Variants in CALN1 observed in about 807,000 individuals in gnomAD.
CALN1 encodes the protein calneuron 1.
A neutral mutation model predicts 30.6 loss-of-function variants in CALN1; 17 were observed. That is an observed-to-expected ratio of 0.56 (90% CI 0.38 to 0.83). The LOEUF (loss-of-function observed/expected upper bound fraction) is 0.83, where lower values mean the gene tolerates loss of function less well. CALN1 is among the 40% of genes least tolerant of loss of function. The probability of loss-of-function intolerance (pLI) is 0.00; values close to 1 mark genes in which losing one functional copy is unlikely to be tolerated. For missense variants in CALN1, 291 were observed against 354.9 expected (o/e 0.82, Z 1.45); for synonymous variants, 156 against 131.4 (o/e 1.19, Z -1.28).
intron 3 of CALN1, among the ~76,000 whole-genome samples, chr7:72,224,790 A>G (rs891163621): frequency 8.7e-5 from 13 of 149,056 alleles, no homozygotes; most frequent in African/African-American, 3.0e-4. Flanking sequence ...AAAAATTAAA[A>G]AAAAAGAGCA....
intron 4 of CALN1, among the ~76,000 whole-genome samples, chr7:72,083,137 G>C (rs1805260089): frequency 6.6e-6 from 1 of 151,934 alleles, no homozygotes; most frequent in South Asian, 2.1e-4. Flanking sequence ...GGAGGCGGAG[G>C]ATGCAGTGAG....
At chr7:72,451,158 G>A (rs10254326), upstream of CALN1, among the ~76,000 whole-genome samples, 2 of 145,566 alleles carry the variant, frequency 1.4e-5, no homozygotes, top group African/African-American at 5.3e-5. Flanking sequence ...GGAGAAGAAG[G>A]AGAAGGAGGA....
chr7:72,071,580 T>C (rs531532400), intron 4 of CALN1, among the ~76,000 whole-genome samples: 1 of 152,258 alleles, frequency 6.6e-6, no homozygotes, highest in East Asian at 1.9e-4. Context: ...CACCTCAAAC[T>C]GATCGTTGGC....
intron 6 of CALN1, among the ~76,000 whole-genome samples, chr7:71,803,971 T>C (rs1029560256): frequency 7.7e-5 from 11 of 143,422 alleles, no homozygotes; most frequent in Admixed American, 1.4e-4. Context: ...TGTGTGTGTG[T>C]GCGTGCATGT....
intron 5 of CALN1, among the ~76,000 whole-genome samples, chr7:71,900,147 T>G (rs1793769878): frequency 1.3e-5 from 2 of 152,190 alleles, no homozygotes. Flanking sequence ...AGACAAATTT[T>G]TAACATCCTG....
At chr7:72,439,863 C>T (rs1163628242) in intron 1 of CALN1, among the ~76,000 whole-genome samples, 1 of 152,154 alleles carries the variant, frequency 6.6e-6, no homozygotes, top group African/African-American at 2.4e-5. Context: ...AGGCGTGAGC[C>T]ACTGTGCCGG....
intron 5 of CALN1, among the ~76,000 whole-genome samples, chr7:71,856,014 CTATG>C (rs750718838): frequency 2.4e-4 from 36 of 151,332 alleles, no homozygotes; most frequent in African/African-American, 7.1e-4. Context: ...GACAGGGTCT[CTATG>C]TATGTATGTA....
chr7:72,144,372 AAAG>A (rs1241465124), intron 3 of CALN1, among the ~76,000 whole-genome samples: 1 of 152,234 alleles, frequency 6.6e-6, no homozygotes, highest in African/African-American at 2.4e-5. Context: ...TAAAAGAGAC[AAAG>A]AAGGCCATTA....
chr7:72,467,248 G>A, the CALN1 span, among the ~76,000 whole-genome samples: 2 of 152,302 alleles, frequency 1.3e-5, no homozygotes, highest in Admixed American at 1.3e-4. Context: ...CCCTGGAGCT[G>A]CCAAAGAGGT....
At chr7:72,358,383 T>G (rs942163234) in intron 2 of CALN1, among the ~76,000 whole-genome samples, 2 of 151,956 alleles carry the variant, frequency 1.3e-5, no homozygotes, top group African/African-American at 2.4e-5. Flanking sequence ...CTCTGATTAG[T>G]AAATGGAGAA....
chr7:72,329,624 G>A (rs796395258), intron 2 of CALN1, among the ~76,000 whole-genome samples: 4 of 152,274 alleles, frequency 2.6e-5, no homozygotes, highest in African/African-American at 9.6e-5. Context: ...ATCCCTTCAT[G>A]TCATTCTGGT....
chr7:71,786,557 C>A lies in CALN1; in HGVS notation c.*1218G>T. On this transcript the variant is annotated 3_prime_UTR_variant, in exon 7 of 7. Transcript: ENST00000395275. ...TTCTGTTGGCTAAACTCATAAACAT[C>A]TTTTCCCCCAACCTCCTGAAAATGA... 6.6e-6 allele frequency: 1 copy of A among 152,216 alleles called. No homozygotes were observed. Among genetic ancestry groups the A allele is most frequent in the Non-Finnish European group, 1.5e-5 (1 of 68,042 alleles). The allele number at this position is 152,216 out of a possible 1,614,324, so 9.4% of individuals were successfully genotyped here. A position where few individuals can be genotyped will look rare whatever the true frequency, so the allele number is the denominator to read the frequency against.
chr7:72,236,092 A>G (rs1318523672), intron 3 of CALN1, among the ~76,000 whole-genome samples: 32 of 151,696 alleles, frequency 2.1e-4, no homozygotes, highest in African/African-American at 4.1e-4. Flanking sequence ...AAAAAAAAAA[A>G]AAAGAAAGAA....
At chr7:72,173,533 C>A (rs1242853344) in intron 3 of CALN1, among the ~76,000 whole-genome samples, 3 of 152,070 alleles carry the variant, frequency 2.0e-5, no homozygotes, top group Non-Finnish European at 2.9e-5. Flanking sequence ...GTGAAAAGGA[C>A]TTAACTGCAG....
chr7:72,423,707 CTTGGGAGGCTAAGGAGGAAG>C, intron 1 of CALN1, among the ~76,000 whole-genome samples: 1 of 151,856 alleles, frequency 6.6e-6, no homozygotes, highest in Non-Finnish European at 1.5e-5. Context: ...ATCCCAGCCA[CTTGGGAGGCTAAGGAGGAAG>C]GATGGCTTGA....
chr7:72,396,315 C>T (rs1306800305), intron 2 of CALN1, among the ~76,000 whole-genome samples: 2 of 147,702 alleles, frequency 1.4e-5, no homozygotes, highest in East Asian at 2.0e-4. Flanking sequence ...CCCAGCTACT[C>T]GGAATGCTAA....
chr7:72,264,888 C>A (rs924800509), intron 3 of CALN1, among the ~76,000 whole-genome samples: 1 of 152,128 alleles, frequency 6.6e-6, no homozygotes, highest in Admixed American at 6.6e-5. Context: ...CTCTATGTGA[C>A]CATGTGTTCT....
intron 1 of CALN1, among the ~76,000 whole-genome samples, chr7:72,418,750 AC>A (rs944400462): frequency 6.6e-4 from 100 of 152,120 alleles, no homozygotes; most frequent in African/African-American, 2.1e-3. Flanking sequence ...TGTGGCTTGC[AC>A]CTATAACCCC....
chr7:72,076,513 G>A (rs1000686225), intron 4 of CALN1, among the ~76,000 whole-genome samples: 5 of 143,090 alleles, frequency 3.5e-5, no homozygotes, highest in South Asian at 2.2e-4. Context: ...CAGGAGAATC[G>A]CTTGAACCCG....
Sources: gnomAD v4.1 joint callset for allele counts (sites outside exome capture counted in the v4.1 genomes callset) on GRCh38, gnomAD v4.1.1 for gene constraint, MANE v1.5 for transcripts, NCBI Gene and HGNC (gene_info 2026-07-23, HGNC 2026-07-21) for gene names.